The following SLC2A12 variants were observed in gnomAD, a reference collection of about 807,000 sequenced individuals.
The protein encoded by SLC2A12 is solute carrier family 2 member 12, also known as solute carrier family 2, facilitated glucose transporter member 12.
SLC2A12 carries 23 observed loss-of-function variants against 41.8 expected under a neutral mutation model. The observed-to-expected ratio is 0.55, with a 90% CI of 0.40 to 0.78. The LOEUF is 0.78. Among genes scored for constraint, SLC2A12 ranks in the 30% least tolerant of loss-of-function variants. SLC2A12 has a pLI of 0.00. For missense variants in SLC2A12, 654 were observed against 745.6 expected, an observed-to-expected ratio of 0.88 and a Z score of 1.43; for synonymous variants, 295 against 285.9, an observed-to-expected ratio of 1.03 and a Z score of -0.32.
intron 4 of SLC2A12, among the ~76,000 whole-genome samples, chr6:133,996,871 C>G (rs1460246478): frequency 6.6e-6 from 1 of 151,996 alleles, no homozygotes; most frequent in African/African-American, 2.4e-5. Context: ...AACGTATACC[C>G]TTTAGATACT....
chr6:133,996,980 T>C (rs1776702900), intron 4 of SLC2A12, among the ~76,000 whole-genome samples: 1 of 149,532 alleles, frequency 6.7e-6, no homozygotes, highest in African/African-American at 2.5e-5. Context: ...TCACTAGTAT[T>C]GCATGAATAG....
chr6:134,021,331 C>A (rs1204069953), intron 2 of SLC2A12, among the ~76,000 whole-genome samples: 2 of 152,142 alleles, frequency 1.3e-5, no homozygotes, highest in Non-Finnish European at 2.9e-5. Context: ...GGTAAATAAA[C>A]CAGCATGATT....
chr6:134,023,272 A>G (rs927007893), intron 2 of SLC2A12, among the ~76,000 whole-genome samples: 2 of 152,202 alleles, frequency 1.3e-5, no homozygotes, highest in Non-Finnish European at 2.9e-5. Flanking sequence ...TGACAACGAG[A>G]TGATAAGAGG....
chr6:133,997,085 C>CAAAAAAAAAAAAAAAAAAAA (rs58295985), intron 4 of SLC2A12, among the ~76,000 whole-genome samples: 2 of 70,716 alleles, frequency 2.8e-5, no homozygotes, highest in Non-Finnish European at 5.2e-5. Context: ...ACTAAAAATA[C>CAAAAAAAAAAAAAAAAAAAA]AAAAAAAAAA....
intron 1 of SLC2A12, among the ~76,000 whole-genome samples, chr6:134,051,798 C>G (rs1773687597): frequency 6.6e-6 from 1 of 152,144 alleles, no homozygotes; most frequent in Non-Finnish European, 1.5e-5. Flanking sequence ...GTTTCAGGCT[C>G]TGAATAACGC....
intron 4 of SLC2A12, among the ~76,000 whole-genome samples, chr6:133,997,566 G>A (rs1418109724): frequency 6.6e-6 from 1 of 152,174 alleles, no homozygotes; most frequent in Non-Finnish European, 1.5e-5. Context: ...AGCAAGTACT[G>A]TTTGTTCTCA....
intron 1 of SLC2A12, among the ~76,000 whole-genome samples, chr6:134,041,965 C>T (rs987318597): frequency 3.3e-5 from 5 of 152,124 alleles, no homozygotes; most frequent in Middle Eastern, 3.4e-3. Flanking sequence ...CCGACATCTC[C>T]GAAAGGATCC....
At chr6:134,037,646 G>A (rs552538126) in intron 1 of SLC2A12, among the ~76,000 whole-genome samples, 2 of 152,082 alleles carry the variant, frequency 1.3e-5, no homozygotes, top group Non-Finnish European at 2.9e-5. Context: ...CACTACACCC[G>A]GCCAGGTTAG....
chr6:134,015,417 G>A (rs749430202), intron 2 of SLC2A12, among the ~76,000 whole-genome samples: 1 of 151,994 alleles, frequency 6.6e-6, no homozygotes, highest in Non-Finnish European at 1.5e-5. Flanking sequence ...CATGGCACAC[G>A]TTTACCTATG....
intron 1 of SLC2A12, among the ~76,000 whole-genome samples, chr6:134,044,185 C>T (rs1414861164): frequency 1.3e-5 from 2 of 152,148 alleles, no homozygotes; most frequent in African/African-American, 4.8e-5. Context: ...ATAGATATTA[C>T]ACATAATACA....
intron 4 of SLC2A12, among the ~76,000 whole-genome samples, chr6:133,995,528 G>T (rs1285207352): frequency 6.6e-6 from 1 of 152,176 alleles, no homozygotes; most frequent in Non-Finnish European, 1.5e-5. Flanking sequence ...AAGTGATCTG[G>T]AACATGTGTC....
chr6:134,038,388 GTCTC>G (rs1160928111), intron 1 of SLC2A12, among the ~76,000 whole-genome samples: 1 of 113,814 alleles, frequency 8.8e-6, no homozygotes, highest in Non-Finnish European at 1.7e-5. Context: ...TTGAGATGGA[GTCTC>G]TCTCTGGTGC....
At chr6:134,024,610 A>G (rs1460694577) in intron 2 of SLC2A12, among the ~76,000 whole-genome samples, 1 of 152,154 alleles carries the variant, frequency 6.6e-6, no homozygotes, top group Non-Finnish European at 1.5e-5. Flanking sequence ...ATCTCCCTTT[A>G]GTTGACTGCA....
At chr6:134,022,542 AG>A (rs950877762) in intron 2 of SLC2A12, among the ~76,000 whole-genome samples, 18 of 24,820 alleles carry the variant, frequency 7.3e-4, no homozygotes, top group South Asian at 4.6e-3. Context: ...AAAAAAGAAA[AG>A]AAAAGAAAAG....
At chr6:134,013,809 T>C (rs1235084029) in intron 2 of SLC2A12, among the ~76,000 whole-genome samples, 1 of 152,212 alleles carries the variant, frequency 6.6e-6, no homozygotes, top group African/African-American at 2.4e-5. Flanking sequence ...TTAGACTCAT[T>C]TTTGAACAGC....
chr6:134,049,441 G>A (rs1374414352), intron 1 of SLC2A12, among the ~76,000 whole-genome samples: 1 of 152,178 alleles, frequency 6.6e-6, no homozygotes, highest in Non-Finnish European at 1.5e-5. Context: ...GAATCTCCTG[G>A]GCCAGAGGCC....
intron 1 of SLC2A12, among the ~76,000 whole-genome samples, chr6:134,041,025 C>G (rs13191718): frequency 0.011 from 1,692 of 152,318 alleles, 11 homozygotes; most frequent in Middle Eastern, 0.044. Flanking sequence ...TGTTATTTTT[C>G]TGGTGTGGTT....
chr6:134,007,929 G>T (rs1776834698), intron 2 of SLC2A12, among the ~76,000 whole-genome samples: 1 of 152,144 alleles, frequency 6.6e-6, no homozygotes, highest in Admixed American at 6.5e-5. Context: ...TGGAATTCAT[G>T]CTTTTTTGTC....
rs1562201692 is a variant in SLC2A12 at position 134,032,449 on chromosome 6, A to AT, written c.104-2729_104-2728insA. Among the ~76,000 whole-genome samples, 15 of 31,968 alleles carry AT rather than the reference A, an allele frequency of 4.7e-4. 1 individual carries two copies. Among genetic ancestry groups the AT allele is most frequent in the African/African-American group, 1.8e-3 (14 of 7,572 alleles). 21.0% of individuals were successfully genotyped at this position (31,968 alleles called of 152,430 possible). ...ATTTATATATATATATATATATATA[A>AT]ATATATATATATATATTTTTATATA... On this transcript the variant is annotated intron_variant, in intron 1 of 4. Coordinates refer to ENST00000275230, the MANE Select transcript of SLC2A12 (RefSeq NM_145176.3).
Sources: gnomAD v4.1 joint callset for allele counts (sites outside exome capture counted in the v4.1 genomes callset) on GRCh38, gnomAD v4.1.1 for gene constraint, MANE v1.5 for transcripts, NCBI Gene and HGNC (gene_info 2026-07-23, HGNC 2026-07-21) for gene names.